The following TXNRD2 variants were observed in gnomAD, a reference collection of about 807,000 sequenced individuals.
TXNRD2 encodes thioredoxin reductase 2.
Under a neutral mutation model 70.8 loss-of-function variants are expected in TXNRD2, and 67 were observed. The observed-to-expected ratio is 0.95, with a 90% confidence interval of 0.78 to 1.16. The LOEUF (loss-of-function observed/expected upper bound fraction) is 1.16, where lower values mean the gene tolerates loss of function less well. Ranked by LOEUF, TXNRD2 falls within the 50% of genes most tolerant of loss-of-function variation. The pLI is 0.00. For missense variants in TXNRD2, 644 were observed against 719.9 expected (o/e 0.89, Z 1.21); for synonymous variants, 301 against 295.8 (o/e 1.02, Z -0.18).
intron 11 of TXNRD2, chr22:19,883,840 C>G (rs907351838): frequency 2.8e-5 from 7 of 254,070 alleles, no homozygotes; most frequent in African/African-American, 1.6e-4. Context: ...ATAGTCCCAG[C>G]TACTCGGGAG....
chr22:19,936,085 G>A (rs906971043), intron 1 of TXNRD2, among the ~76,000 whole-genome samples: 1 of 152,180 alleles, frequency 6.6e-6, no homozygotes, highest in Non-Finnish European at 1.5e-5. Context: ...AACGTTAGAT[G>A]TGGAACTATG....
chr22:19,915,970 G>T, intron 5 of TXNRD2, 127 bp from the exon 6 acceptor site: 1 of 814,176 alleles, frequency 1.2e-6, no homozygotes. Flanking sequence ...TGGCTCAGAT[G>T]GACCAAGAGG....
intron 14 of TXNRD2, among the ~76,000 whole-genome samples, chr22:19,878,694 C>T (rs962381456): frequency 2.0e-5 from 3 of 152,226 alleles, no homozygotes; most frequent in African/African-American, 7.2e-5. Flanking sequence ...CTGGGACCCC[C>T]GTAAACCACA....
intron 11 of TXNRD2, among the ~76,000 whole-genome samples, chr22:19,885,906 A>G (rs530370900): frequency 6.6e-6 from 1 of 152,166 alleles, no homozygotes; most frequent in East Asian, 1.9e-4. Context: ...AAAAGTAGTC[A>G]CAAGAGATAA....
intron 2 of TXNRD2, among the ~76,000 whole-genome samples, chr22:19,923,844 CTTTTTTTTTT>C (rs34120716): frequency 2.6e-5 from 2 of 78,120 alleles, no homozygotes; most frequent in Non-Finnish European, 4.5e-5. Flanking sequence ...ACCCCTGAGG[CTTTTTTTTTT>C]TTTTTTTTTT....
chr22:19,902,471 A>G (rs1939820664), intron 8 of TXNRD2, among the ~76,000 whole-genome samples: 2 of 152,332 alleles, frequency 1.3e-5, no homozygotes, highest in African/African-American at 4.8e-5. Context: ...AGTGAGTCTC[A>G]TGGGAGGCAC....
In TXNRD2 at chr22:19,895,516, G is replaced by T. The variant is rs1416399071; in HGVS notation, c.840C>A (p.Ala280=). Reference sequence around the variant, plus strand: ...CAGGGAGCCTCCTGACCCGCGAGGGGGCACAGCCCCTCAGGAACCGGGTGC... The same window carrying T: ...CAGGGAGCCTCCTGACCCGCGAGGGTGCACAGCCCCTCAGGAACCGGGTGC... ...SHGTRFLRGC[A]PSRVRRLPDG... is the part of the protein sequence containing the mutation. Residue 280 remains alanine, a synonymous_variant, in exon 11 of 18, where the codon GCC becomes GCA. Transcript: ENST00000400521. The T allele has an allele frequency of 6.2e-7, 1 of 1,613,828 alleles. No homozygotes were observed. The highest frequency in any genetic ancestry group is 1.7e-5 in the Admixed American group (1 of 60,032).
At chr22:19,899,857 A>T (rs1939693079) in intron 8 of TXNRD2, among the ~76,000 whole-genome samples, 1 of 152,212 alleles carries the variant, frequency 6.6e-6, no homozygotes, top group South Asian at 2.1e-4. Context: ...AGACACATGC[A>T]TGCACACACA....
chr22:19,914,296 C>T (rs184961531), intron 7 of TXNRD2, among the ~76,000 whole-genome samples: 1 of 152,332 alleles, frequency 6.6e-6, no homozygotes, highest in East Asian at 1.9e-4. Flanking sequence ...AACTTCTTTG[C>T]AGATGTTCAC....
chr22:19,878,564 G>T, intron 14 of TXNRD2, 127 bp from the exon 15 acceptor site: 1 of 914,004 alleles, frequency 1.1e-6, no homozygotes, highest in Non-Finnish European at 1.8e-6. Flanking sequence ...TGGCCTGAAG[G>T]TCTGGTCTGG....
chr22:19,928,494 G>A (rs1324183814), intron 2 of TXNRD2, among the ~76,000 whole-genome samples: 4 of 152,164 alleles, frequency 2.6e-5, no homozygotes, highest in African/African-American at 4.8e-5. Flanking sequence ...GCAGCATTCC[G>A]TTTATACGCA....
At chr22:19,893,763 C>G (rs1221159911) in intron 11 of TXNRD2, 1 of 152,322 alleles carries the variant, frequency 6.6e-6, no homozygotes, top group Non-Finnish European at 1.5e-5. Context: ...AGGCCTCTGC[C>G]CAGCACTGGA....
At chr22:19,886,791 G>A (rs777918756) in intron 11 of TXNRD2, among the ~76,000 whole-genome samples, 10 of 152,258 alleles carry the variant, frequency 6.6e-5, no homozygotes, top group Admixed American at 2.0e-4. Flanking sequence ...GGAGTGCCCA[G>A]TGCAGCATTT....
chr22:19,903,480 G>A (rs1413223362), intron 8 of TXNRD2, among the ~76,000 whole-genome samples: 1 of 152,214 alleles, frequency 6.6e-6, no homozygotes, highest in African/African-American at 2.4e-5. Context: ...TGAGGGAGAA[G>A]ACGAAGCCCA....
At chr22:19,889,901 A>G (rs902147521) in intron 11 of TXNRD2, among the ~76,000 whole-genome samples, 4 of 137,302 alleles carry the variant, frequency 2.9e-5, no homozygotes, top group Non-Finnish European at 6.6e-5. Flanking sequence ...ACTTTTCACC[A>G]TGTTGTTCTT....
intron 8 of TXNRD2, among the ~76,000 whole-genome samples, chr22:19,909,577 A>ACACACACAC (rs1940236160): frequency 2.6e-5 from 1 of 38,804 alleles, no homozygotes; most frequent in Admixed American, 3.1e-4. Context: ...TACACACACC[A>ACACACACAC]CACACACACA....
At chr22:19,932,372 T>A in intron 1 of TXNRD2, 1 of 1,612,696 alleles carries the variant, frequency 6.2e-7, no homozygotes, top group East Asian at 2.2e-5. Flanking sequence ...TCCTCCATGG[T>A]GGCTCACTGC....
intron 8 of TXNRD2, among the ~76,000 whole-genome samples, chr22:19,901,912 C>T (rs1449960184): frequency 6.6e-6 from 1 of 152,132 alleles, no homozygotes; most frequent in Non-Finnish European, 1.5e-5. Flanking sequence ...ATTAAAAGAC[C>T]CAGAGGTTGG....
chr22:19,910,134 T>C (rs12170324), intron 8 of TXNRD2, among the ~76,000 whole-genome samples: 4,908 of 152,220 alleles, frequency 0.032, 274 homozygotes, highest in African/African-American at 0.11. Context: ...GTCTCTCTGC[T>C]CCCTGCCAAC....
Sources: allele counts gnomAD v4.1 joint callset (sites outside exome capture counted in the v4.1 genomes callset), GRCh38; gene constraint gnomAD v4.1.1; transcripts MANE v1.5; gene names NCBI Gene and HGNC (gene_info 2026-07-23, HGNC 2026-07-21).